The following UMPS variants were observed in gnomAD, a reference collection of about 807,000 sequenced individuals.
The protein encoded by UMPS is uridine monophosphate synthetase.
UMPS carries 21 observed loss-of-function variants against 38.9 expected under a neutral mutation model. The observed-to-expected ratio is 0.54, with a 90% confidence interval of 0.38 to 0.78. The LOEUF (loss-of-function observed/expected upper bound fraction) is 0.78. Among genes scored for constraint, UMPS ranks in the 30% least tolerant of loss-of-function variants. UMPS has a pLI of 0.00. For missense variants in UMPS, 533 were observed against 591.6 expected (o/e 0.90, Z 1.03); for synonymous variants, 208 against 219.3 (o/e 0.95, Z 0.45).
rs1438259556 is a variant in UMPS at position 124,748,543 on chromosome 3, A to T, written c.*4459A>T. 2.2e-6 allele frequency: 1 copy of T among 454,024 alleles called. No individual in the cohort carries two copies. Among genetic ancestry groups the T allele is most frequent in the East Asian group, 6.9e-5 (1 of 14,414 alleles). 28.1% of individuals were successfully genotyped at this position (454,024 alleles called of 1,614,324 possible). ...CCCTTTCCTTCCCACCAAGGGGGAAAGTCTTCCTCTAGACAAGAGGCAGAG... is the reference window on the plus strand; with the variant it reads ...CCCTTTCCTTCCCACCAAGGGGGAATGTCTTCCTCTAGACAAGAGGCAGAG... On this transcript the variant is annotated 3_prime_UTR_variant, in exon 6 of 6. Coordinates refer to ENST00000232607, the MANE Select transcript of UMPS (RefSeq NM_000373.4).
In UMPS at chr3:124,746,303, CAG is replaced by C. The variant is rs991409801; in HGVS notation, c.*2222_*2223del. On this transcript the variant is annotated 3_prime_UTR_variant, in exon 6 of 6. Coordinates refer to ENST00000232607, the MANE Select transcript of UMPS (RefSeq NM_000373.4). ...TGTAGGTCCTTGTGCCCCACACCAT[CAG>C]AGTTTCTGCGTTAGCAGATTTGTGG... 1.8e-5 allele frequency: 8 copies of C among 453,984 alleles called. No individual in the cohort carries two copies. The highest frequency in any genetic ancestry group is 2.6e-5 in the Non-Finnish European group (6 of 226,786). The allele number at this position is 453,984 out of a possible 1,614,324, so 28.1% of individuals were successfully genotyped here.
In UMPS at chr3:124,742,218, A is replaced by T; in HGVS notation, c.1225A>T (p.Lys409Ter). 1.2e-6 allele frequency: 2 copies of T among 1,614,204 alleles called. No homozygotes were observed. Among genetic ancestry groups the T allele is most frequent in the Non-Finnish European group, 1.7e-6 (2 of 1,180,038 alleles). The change falls in exon 5 of 6, where the codon AAA (lysine) becomes TAA (stop). Residue 409 changes from lysine to a stop codon, truncating the protein, a stop_gained. Coordinates refer to ENST00000232607, the MANE Select transcript of UMPS (RefSeq NM_000373.4). LOFTEE classifies it high-confidence loss of function. ...TATTTCTGGCTCCCGAGTAAGCATG[A>T]AACCAGAATTTCTTCACTTGACTCC... ...GFISGSRVSM[K>*]PEFLHLTPGV...
At chr3:124,731,616 G>C (rs1470015020) in intron 1 of UMPS, 1 of 277,924 alleles carries the variant, frequency 3.6e-6, no homozygotes, top group Non-Finnish European at 7.4e-6. Context: ...TGAGCACAGG[G>C]GCTCATGCCT....
At position 124,735,198 on chromosome 3, in the gene UMPS, A is replaced by G. The variant is rs1406432156; in HGVS notation, c.262A>G (p.Thr88Ala). ...GCCATTGGCTACAGTTATCTGTTCAACCAATCAAATTCCAATGCTTATTAG... is the reference window on the plus strand; with the variant it reads ...GCCATTGGCTACAGTTATCTGTTCAGCCAATCAAATTCCAATGCTTATTAG... The part of the protein sequence containing the change: ...ALPLATVICS[T>A]NQIPMLIRRK... The change falls in exon 2 of 6, where the codon ACC becomes GCC. Residue 88 changes from threonine to alanine, a missense_variant. Transcript: ENST00000232607. The G allele has an allele frequency of 3.7e-6, 6 of 1,614,018 alleles. No individual in the cohort carries two copies. Among genetic ancestry groups the G allele is most frequent in the Admixed American group, 1.7e-5 (1 of 60,024 alleles).
In UMPS at chr3:124,735,203, T is replaced by C. The variant is rs2063509221; in HGVS notation, c.267T>C (p.Asn89=). The change falls in exon 2 of 6, where the codon AAT becomes AAC. Residue 89 remains asparagine (N), a synonymous_variant. Transcript: ENST00000232607. ...TGGCTACAGTTATCTGTTCAACCAATCAAATTCCAATGCTTATTAGAAGGA... is the reference window on the plus strand; with the variant it reads ...TGGCTACAGTTATCTGTTCAACCAACCAAATTCCAATGCTTATTAGAAGGA... ...LPLATVICST[N]QIPMLIRRKE... 3 of 1,613,834 alleles carry C rather than the reference T, an allele frequency of 1.9e-6. No homozygotes were observed. Among genetic ancestry groups the C allele is most frequent in the African/African-American group, 1.3e-5 (1 of 74,912 alleles).
rs1245811125 is a variant in UMPS, at chr3:124,747,397, C to T, written c.*3313C>T. 1 of 454,066 alleles carries T rather than the reference C, an allele frequency of 2.2e-6. No homozygotes were observed. The highest frequency in any genetic ancestry group is 4.4e-6 in the Non-Finnish European group (1 of 226,216). The allele number at this position is 454,066 out of a possible 1,614,324, so 28.1% of individuals were successfully genotyped here. ...CTAATGCTGGCCTGGGTGCAGTTCT[C>T]ATCCAAAGTACCCGGTGGGTGGGAG... On this transcript the variant is annotated 3_prime_UTR_variant, in exon 6 of 6. Coordinates refer to ENST00000232607, the MANE Select transcript of UMPS (RefSeq NM_000373.4).
rs551826550 is a variant in UMPS, at chr3:124,745,608, C to T, written c.*1524C>T. On this transcript the variant is annotated 3_prime_UTR_variant, in exon 6 of 6. Coordinates refer to ENST00000232607, the MANE Select transcript of UMPS (RefSeq NM_000373.4). ...CAATTTGGGCTTCATGTCCCCAGTG[C>T]TGCATCTCCAGGGAAATGCTGTCTG... is the stretch of plus-strand genomic sequence containing the variant. 53 of 454,098 alleles carry T rather than the reference C, an allele frequency of 1.2e-4. No individual in the cohort carries two copies. Among genetic ancestry groups the T allele is most frequent in the African/African-American group, 9.8e-4 (49 of 50,110 alleles). 28.1% of individuals were successfully genotyped at this position (454,098 alleles called of 1,614,324 possible).
At chr3:124,734,037 A>G (rs1001726209) in intron 1 of UMPS, among the ~76,000 whole-genome samples, 5 of 152,254 alleles carry the variant, frequency 3.3e-5, no homozygotes, top group East Asian at 3.9e-4. Flanking sequence ...TTAAATGGAG[A>G]TGGTGGATAT....
rs1294052047 is a variant in UMPS, at chr3:124,749,006, A to G, written c.*4922A>G. 1 of 454,120 alleles carries G rather than the reference A, an allele frequency of 2.2e-6. No homozygotes were observed. Among genetic ancestry groups the G allele is most frequent in the East Asian group, 6.9e-5 (1 of 14,394 alleles). 28.1% of individuals were successfully genotyped at this position (454,120 alleles called of 1,614,324 possible). A position where few individuals can be genotyped will look rare whatever the true frequency, so the allele number is the denominator to read the frequency against. ...CATGTCTTCGGGGGTGCCCTTGTGC[A>G]CAGACAGCTCCATAGTCCTGCCTCC... On this transcript the variant is annotated 3_prime_UTR_variant, in exon 6 of 6. Transcript: ENST00000232607.
At chr3:124,738,660 A>G in intron 3 of UMPS, 1 of 160,618 alleles carries the variant, frequency 6.2e-6, no homozygotes, top group South Asian at 1.8e-4. Context: ...CAAATTTGAC[A>G]GATGTCCTTG....
At chr3:124,733,970 A>G (rs1013541575) in intron 1 of UMPS, among the ~76,000 whole-genome samples, 4 of 152,234 alleles carry the variant, frequency 2.6e-5, no homozygotes, top group African/African-American at 9.6e-5. Context: ...ATGAGTTGGA[A>G]AAAGATGTAA....
intron 1 of UMPS, chr3:124,731,484 ATTTTATTTATTTATT>A: frequency 2.3e-6 from 1 of 440,584 alleles, no homozygotes; most frequent in Admixed American, 2.4e-5. Context: ...TTGTGTTATT[ATTTTATTTATTTATT>A]TTTTAGATGG....
chr3:124,733,341 C>G (rs1384965685), intron 1 of UMPS: 1 of 152,244 alleles, frequency 6.6e-6, no homozygotes, highest in Non-Finnish European at 1.5e-5. Context: ...GAAGAATTCT[C>G]TTCTTTAAAA....
At position 124,740,011 on chromosome 3, in the gene UMPS, C is replaced by A. The variant is rs1451145691; in HGVS notation, c.983-13C>A. ...GAAAATCAGCAAATATCTTTTTTCC[C>A]CCTTCTTCTTAGGAGGTATCTTTAA... On this transcript the variant is annotated splice_polypyrimidine_tract_variant and intron_variant, in intron 3 of 5. Coordinates refer to ENST00000232607, the MANE Select transcript of UMPS (RefSeq NM_000373.4). 1 of 1,613,774 alleles carries A rather than the reference C, an allele frequency of 6.2e-7. No homozygotes were observed. The highest frequency in any genetic ancestry group is 8.5e-7 in the Non-Finnish European group (1 of 1,179,852).
intron 4 of UMPS, 111 bp from the exon 5 acceptor site, chr3:124,742,041 C>T (rs1410274279): frequency 3.5e-5 from 32 of 916,234 alleles, no homozygotes; most frequent in Middle Eastern, 6.8e-4. Flanking sequence ...ATAGGGAGAC[C>T]TCATGTCTTT....
chr3:124,747,683 T>C lies in UMPS; in HGVS notation c.*3599T>C. 2.2e-6 allele frequency: 1 copy of C among 453,638 alleles called. No individual in the cohort carries two copies. The highest frequency in any genetic ancestry group is 2.3e-5 in the Admixed American group (1 of 42,576). 28.1% of individuals were successfully genotyped at this position (453,638 alleles called of 1,614,324 possible). ...GGGTGGTTTATTACACGGCAATATC[T>C]AGCTAAATACATTTAACTTGCTGCA... On this transcript the variant is annotated 3_prime_UTR_variant, in exon 6 of 6. Coordinates refer to ENST00000232607, the MANE Select transcript of UMPS (RefSeq NM_000373.4).
chr3:124,746,796 T>TGTGTGTGC lies in UMPS; in HGVS notation c.*2713_*2714insTGTGTGCG, dbSNP rs776953343. On this transcript the variant is annotated 3_prime_UTR_variant, in exon 6 of 6. Coordinates refer to ENST00000232607, the MANE Select transcript of UMPS (RefSeq NM_000373.4). ...GTGTGTGTGTGTGTGTGTGTGTGTG[T>TGTGTGTGC]GCATGCGCGCGCGTGCGCACTGGAG... 31 of 439,742 alleles carry TGTGTGTGC rather than the reference T, an allele frequency of 7.0e-5. No individual in the cohort carries two copies. The highest frequency in any genetic ancestry group is 2.1e-4 in the African/African-American group (10 of 47,314). The allele number at this position is 439,742 out of a possible 1,614,324, so 27.2% of individuals were successfully genotyped here. A position where few individuals can be genotyped will look rare whatever the true frequency, so the allele number is the denominator to read the frequency against.
intron 1 of UMPS, among the ~76,000 whole-genome samples, chr3:124,734,414 C>T (rs1389169079): frequency 6.6e-6 from 1 of 152,096 alleles, no homozygotes; most frequent in African/African-American, 2.4e-5. Flanking sequence ...GGATATATAA[C>T]TAAAAGATGA....
chr3:124,742,849 T>C (rs1209832278), intron 5 of UMPS, among the ~76,000 whole-genome samples: 1 of 152,214 alleles, frequency 6.6e-6, no homozygotes, highest in East Asian at 1.9e-4. Flanking sequence ...GCTAAAATTT[T>C]CTTCAATTGT....
Sources: allele counts gnomAD v4.1 joint callset (sites outside exome capture counted in the v4.1 genomes callset), GRCh38; gene constraint gnomAD v4.1.1; transcripts MANE v1.5; gene names NCBI Gene and HGNC (gene_info 2026-07-23, HGNC 2026-07-21).